KSR2: variants seen among roughly 807,000 people sequenced by gnomAD.
The protein encoded by KSR2 is kinase suppressor of ras 2.
Under a neutral mutation model 107.8 loss-of-function variants are expected in KSR2, and 25 were observed. The observed-to-expected ratio is 0.23, with a 90% CI of 0.17 to 0.32. KSR2 has a LOEUF of 0.32. Among genes scored for constraint, KSR2 ranks in the 10% least tolerant of loss-of-function variants. The probability of loss-of-function intolerance (pLI) is 1.00; values close to 1 mark genes in which losing one functional copy is unlikely to be tolerated. For synonymous variants in KSR2, 480 were observed against 507.0 expected (o/e 0.95, Z 0.71); for missense variants, 887 against 1,268.9 (o/e 0.70, Z 4.57).
chr12:117,567,376 G>A (rs1049955411), intron 7 of KSR2, among the ~76,000 whole-genome samples: 4 of 152,116 alleles, frequency 2.6e-5, no homozygotes, highest in Non-Finnish European at 5.9e-5. Flanking sequence ...CGGAGAAGCT[G>A]CAGCTCTGGG....
intron 5 of KSR2, among the ~76,000 whole-genome samples, chr12:117,633,595 T>C (rs1000078759): frequency 1.3e-5 from 2 of 152,214 alleles, no homozygotes; most frequent in African/African-American, 2.4e-5. Flanking sequence ...TATCACCTGA[T>C]AGTTGCTGGC....
chr12:117,710,278 C>A (rs1307376351), intron 4 of KSR2, among the ~76,000 whole-genome samples: 2 of 152,110 alleles, frequency 1.3e-5, no homozygotes, highest in African/African-American at 4.8e-5. Flanking sequence ...CATAGAAGGC[C>A]TCGAGGGCAT....
chr12:117,855,559 A>T lies in KSR2; in HGVS notation c.341T>A (p.Leu114Gln), dbSNP rs761283802. ...CATCTCCAAGAGGTCCTCCAGGCTC[A>T]GCTGGCCGGGGGAGATTTCCTAGAG... ...EVLEEISPGQ[L>Q]SLEDLLEMTD... is the part of the protein sequence containing the mutation. Residue 114 changes from leucine (L) to glutamine (Q), a missense_variant, in exon 3 of 20, where the codon CTG (leucine) becomes CAG (glutamine). Physicochemically the swap from Leu to Gln is moderately radical, Grantham distance 113. Transcript: ENST00000339824. 2.5e-6 allele frequency: 4 copies of T among 1,613,868 alleles called. No individual in the cohort carries two copies. Among genetic ancestry groups the T allele is most frequent in the Non-Finnish European group, 8.5e-7 (1 of 1,179,892 alleles).
intron 1 of KSR2, among the ~76,000 whole-genome samples, chr12:117,917,819 G>T (rs1299654289): frequency 2.6e-5 from 4 of 152,116 alleles, no homozygotes; most frequent in Non-Finnish European, 2.9e-5. Flanking sequence ...ATGAAAATAG[G>T]CAACTCACAG....
At chr12:117,745,821 C>T (rs907069009) in intron 4 of KSR2, among the ~76,000 whole-genome samples, 1 of 152,048 alleles carries the variant, frequency 6.6e-6, no homozygotes, top group Admixed American at 6.6e-5. Context: ...TGAATGAACT[C>T]CCATTCACAA....
rs79430109 is a variant in KSR2, at chr12:117,466,680, C to G, written c.*519G>C. On this transcript the variant is annotated 3_prime_UTR_variant, in exon 20 of 20. Transcript: ENST00000339824. ...CAGTAGCCTTGACTAAGCTGCCACT[C>G]GGCTCTGTACCCTCCTCTTAGCTTC... 1 of 153,508 alleles carries G rather than the reference C, an allele frequency of 6.5e-6. No individual in the cohort carries two copies. Among genetic ancestry groups the G allele is most frequent in the African/African-American group, 2.4e-5 (1 of 41,622 alleles). 9.5% of individuals were successfully genotyped at this position (153,508 alleles called of 1,614,324 possible). A position where few individuals can be genotyped will look rare whatever the true frequency, so the allele number is the denominator to read the frequency against.
At chr12:117,658,055 G>A (rs1485753366) in intron 5 of KSR2, among the ~76,000 whole-genome samples, 1 of 152,252 alleles carries the variant, frequency 6.6e-6, no homozygotes, top group Non-Finnish European at 1.5e-5. Context: ...ATAATAATGA[G>A]CGTGTGTCCA....
At chr12:117,939,644 G>A (rs578236298) in intron 1 of KSR2, among the ~76,000 whole-genome samples, 7 of 152,170 alleles carry the variant, frequency 4.6e-5, no homozygotes, top group African/African-American at 9.6e-5. Flanking sequence ...CCCAGGAGGC[G>A]GAGGTTGCAG....
intron 3 of KSR2, among the ~76,000 whole-genome samples, chr12:117,765,011 C>A (rs184285251): frequency 6.6e-6 from 1 of 152,348 alleles, no homozygotes; most frequent in Admixed American, 6.5e-5. Flanking sequence ...GGTAATACAT[C>A]AATATCTGCT....
intron 1 of KSR2, among the ~76,000 whole-genome samples, chr12:117,945,433 G>A (rs1256025740): frequency 6.6e-6 from 1 of 152,212 alleles, no homozygotes; most frequent in East Asian, 1.9e-4. Context: ...CCAGCACTTT[G>A]GGAGGCCAAG....
At chr12:117,949,965 G>C (rs1364364093) in intron 1 of KSR2, among the ~76,000 whole-genome samples, 1 of 150,276 alleles carries the variant, frequency 6.7e-6, no homozygotes, top group East Asian at 1.9e-4. Context: ...ACTGATGTCT[G>C]CAATTTACTT....
At chr12:117,932,439 G>A (rs1369426608) in intron 1 of KSR2, among the ~76,000 whole-genome samples, 1 of 152,126 alleles carries the variant, frequency 6.6e-6, no homozygotes, top group Non-Finnish European at 1.5e-5. Flanking sequence ...GAACAGGCCA[G>A]GCACAGAAGC....
chr12:117,725,414 T>C (rs1040451968), intron 4 of KSR2, among the ~76,000 whole-genome samples: 6 of 152,170 alleles, frequency 3.9e-5, no homozygotes, highest in Non-Finnish European at 5.9e-5. Context: ...TTGATGAAGA[T>C]ATCAAGTCAT....
chr12:117,711,904 G>A (rs1418426468), intron 4 of KSR2, among the ~76,000 whole-genome samples: 3 of 152,204 alleles, frequency 2.0e-5, no homozygotes, highest in Admixed American at 6.5e-5. Context: ...GGGGATCAGG[G>A]AGACACCGCT....
At chr12:117,848,604 G>C (rs745689882) in intron 3 of KSR2, among the ~76,000 whole-genome samples, 5 of 152,246 alleles carry the variant, frequency 3.3e-5, no homozygotes, top group Non-Finnish European at 5.9e-5. Flanking sequence ...CCGTGGCTCA[G>C]AGGGAAGGGA....
intron 4 of KSR2, among the ~76,000 whole-genome samples, chr12:117,738,855 ACAG>A (rs1888051062): frequency 6.6e-6 from 1 of 152,104 alleles, no homozygotes; most frequent in African/African-American, 2.4e-5. Context: ...GGCCTGGGCG[ACAG>A]AGACTCTGTT....
intron 1 of KSR2, among the ~76,000 whole-genome samples, chr12:117,920,034 A>G (rs905083021): frequency 5.9e-5 from 9 of 152,352 alleles, no homozygotes; most frequent in African/African-American, 2.2e-4. Context: ...ACCCCAAAAT[A>G]CATGAAATTA....
At chr12:117,841,021 A>G (rs1051182343) in intron 3 of KSR2, among the ~76,000 whole-genome samples, 13 of 152,000 alleles carry the variant, frequency 8.6e-5, no homozygotes, top group African/African-American at 3.1e-4. Flanking sequence ...AAAATTGCTA[A>G]GTAACATACC....
At chr12:117,689,157 T>A (rs1050778269) in intron 4 of KSR2, among the ~76,000 whole-genome samples, 1 of 152,188 alleles carries the variant, frequency 6.6e-6, no homozygotes, top group Admixed American at 6.5e-5. Context: ...TATGTTTATA[T>A]CTATTTCTCT....
Sources: allele counts gnomAD v4.1 joint callset (sites outside exome capture counted in the v4.1 genomes callset), GRCh38; gene constraint gnomAD v4.1.1; transcripts MANE v1.5; gene names NCBI Gene and HGNC (gene_info 2026-07-23, HGNC 2026-07-21).